Variants in NAALADL2 observed in about 807,000 individuals in gnomAD.
NAALADL2 encodes the protein inactive N-acetylated-alpha-linked acidic dipeptidase-like protein 2.
NAALADL2 carries 76 observed loss-of-function variants against 87.2 expected under a neutral mutation model. That is an observed-to-expected ratio of 0.87 (90% CI 0.72 to 1.05). The LOEUF is 1.05. Ranked by LOEUF, NAALADL2 falls within the 50% of genes least tolerant of loss-of-function variation. The pLI is 0.00. For missense variants in NAALADL2, 1,089 were observed against 945.8 expected, an observed-to-expected ratio of 1.15 and a Z score of -1.99; for synonymous variants, 354 against 331.0, an observed-to-expected ratio of 1.07 and a Z score of -0.75.
At position 175,650,222 on chromosome 3, in the gene NAALADL2, G is replaced by GT. The variant is rs1439258672; in HGVS notation, c.1896+22837dup. On this transcript the variant is annotated intron_variant, in intron 11 of 13. Transcript: ENST00000454872. The stretch of plus-strand genomic sequence containing the variant: ...AAGTAAAAGAAACCAGATGCAAAAG[G>GT]TGACATATTGAATGATTGGATTTGT... Among the ~76,000 whole-genome samples the GT allele has an allele frequency of 3.3e-5, 5 of 152,254 alleles. No homozygotes were observed. The East Asian group carries it at 7.7e-4, about 23-fold the overall frequency.
chr3:175,322,521 C>G (rs1344189471), intron 4 of NAALADL2, among the ~76,000 whole-genome samples: 3 of 93,678 alleles, frequency 3.2e-5, no homozygotes, highest in African/African-American at 1.4e-4. Context: ...TTCTGCACAG[C>G]AAAAGAAACT....
At chr3:174,751,051 A>T (rs2096512631) in intron 3 of NAALADL2, among the ~76,000 whole-genome samples, 1 of 152,212 alleles carries the variant, frequency 6.6e-6, no homozygotes, top group South Asian at 2.1e-4. Flanking sequence ...TATAATTTTT[A>T]AATCTTATTT....
rs188938405 is a variant in NAALADL2 at position 175,525,889 on chromosome 3, G to A, written c.1654-50152G>A. On this transcript the variant is annotated intron_variant, in intron 9 of 13. Coordinates refer to ENST00000454872, the MANE Select transcript of NAALADL2 (RefSeq NM_207015.3). Reference sequence around the variant, plus strand: ...CATTATTAGTCATGATTATTTTTCCGAAAAGTAACACTTTAGCATTAGTCT... The same window carrying A: ...CATTATTAGTCATGATTATTTTTCCAAAAAGTAACACTTTAGCATTAGTCT... Among the ~76,000 whole-genome samples the A allele has an allele frequency of 6.6e-5, 10 of 152,002 alleles. No homozygotes were observed. The East Asian group carries it at 1.2e-3, about 18-fold the overall frequency.
At chr3:175,456,586 G>T (rs1722354722) in intron 6 of NAALADL2, among the ~76,000 whole-genome samples, 1 of 151,872 alleles carries the variant, frequency 6.6e-6, no homozygotes, top group Non-Finnish European at 1.5e-5. Context: ...TGTACAGAAA[G>T]TTGCAATAGT....
At chr3:174,446,059 A>C (rs1715027825) in intron 1 of NAALADL2, among the ~76,000 whole-genome samples, 1 of 152,208 alleles carries the variant, frequency 6.6e-6, no homozygotes, top group Non-Finnish European at 1.5e-5. Context: ...TGAGCAGTTC[A>C]GATAAGAAAG....
chr3:175,746,450 T>A (rs2150111451), intron 12 of NAALADL2, among the ~76,000 whole-genome samples: 1 of 152,196 alleles, frequency 6.6e-6, no homozygotes, highest in African/African-American at 2.4e-5. Context: ...AGTCTATTTC[T>A]CAGCCCATCT....
intron 11 of NAALADL2, among the ~76,000 whole-genome samples, chr3:175,693,739 G>A (rs759997024): frequency 1.3e-5 from 2 of 151,994 alleles, no homozygotes; most frequent in Admixed American, 1.3e-4. Context: ...TTGCTCTTTC[G>A]CCAGGCTGGG....
intron 1 of NAALADL2, among the ~76,000 whole-genome samples, chr3:175,083,400 A>C (rs1219718779): frequency 6.6e-6 from 1 of 152,230 alleles, no homozygotes; most frequent in Non-Finnish European, 1.5e-5. Context: ...TCATTTAATT[A>C]ACGTTAACCA....
chr3:174,661,442 A>G (rs1050312203), intron 2 of NAALADL2, among the ~76,000 whole-genome samples: 6 of 152,142 alleles, frequency 3.9e-5, no homozygotes, highest in African/African-American at 9.7e-5. Flanking sequence ...ACATTCTTTA[A>G]TAACTTTTTA....
chr3:174,691,869 C>T (rs1015416761), intron 2 of NAALADL2: 1 of 152,158 alleles, frequency 6.6e-6, no homozygotes, highest in African/African-American at 2.4e-5. Flanking sequence ...TAAGATGCAG[C>T]TCCTCATCAG....
intron 1 of NAALADL2, among the ~76,000 whole-genome samples, chr3:174,879,815 A>G (rs191506047): frequency 8.3e-4 from 127 of 152,148 alleles, no homozygotes; most frequent in African/African-American, 2.9e-3. Context: ...ATTTGCTCCA[A>G]CTATACCCAA....
chr3:174,484,885 TTA>T (rs1717756201), intron 1 of NAALADL2, among the ~76,000 whole-genome samples: 1 of 151,452 alleles, frequency 6.6e-6, no homozygotes, highest in Non-Finnish European at 1.5e-5. Context: ...GTGATTTACA[TTA>T]TGGTATAGCT....
chr3:174,506,147 G>C (rs1006786693), intron 1 of NAALADL2, among the ~76,000 whole-genome samples: 1 of 150,988 alleles, frequency 6.6e-6, no homozygotes, highest in Non-Finnish European at 1.5e-5. Flanking sequence ...AACTTGCTTC[G>C]TACATCTTTC....
intron 2 of NAALADL2, among the ~76,000 whole-genome samples, chr3:174,697,754 T>A (rs967837184): frequency 6.6e-6 from 1 of 152,134 alleles, no homozygotes; most frequent in Non-Finnish European, 1.5e-5. Flanking sequence ...TGAAACTAAA[T>A]ATACATTTCA....
chr3:174,533,203 G>A (rs546890043), intron 1 of NAALADL2, among the ~76,000 whole-genome samples: 91 of 151,474 alleles, frequency 6.0e-4, no homozygotes, highest in African/African-American at 2.1e-3. Context: ...CTTGCGTCAG[G>A]AATAAAGGCT....
At chr3:175,387,542 A>G (rs1395784500) in intron 5 of NAALADL2, among the ~76,000 whole-genome samples, 3 of 152,072 alleles carry the variant, frequency 2.0e-5, no homozygotes, top group African/African-American at 4.8e-5. Flanking sequence ...TTACTTTTGA[A>G]TATGTAAGAA....
rs184912190 is a variant in NAALADL2 at position 175,374,489 on chromosome 3, G to A, written c.1090+50164G>A. On this transcript the variant is annotated intron_variant, in intron 5 of 13. Coordinates refer to ENST00000454872, the MANE Select transcript of NAALADL2 (RefSeq NM_207015.3). ...GAATTGCTTGAACCTAGGAGGCAGA[G>A]GTTGCAGTGAACTGAGATCATTCCA... Among the ~76,000 whole-genome samples the A allele has an allele frequency of 9.8e-4, 132 of 134,632 alleles. 1 individual carries two copies. The highest frequency in any genetic ancestry group is 1.5e-3 in the Non-Finnish European group (96 of 65,040). 88.3% of individuals were successfully genotyped at this position (134,632 alleles called of 152,430 possible).
chr3:175,140,055 A>G (rs887100740), intron 2 of NAALADL2, among the ~76,000 whole-genome samples: 1 of 152,116 alleles, frequency 6.6e-6, no homozygotes, highest in Non-Finnish European at 1.5e-5. Context: ...AAACAAAGGG[A>G]TTTAAATTCA....
intron 4 of NAALADL2, among the ~76,000 whole-genome samples, chr3:175,309,819 T>C (rs1468246001): frequency 6.6e-6 from 1 of 152,202 alleles, no homozygotes; most frequent in Non-Finnish European, 1.5e-5. Flanking sequence ...ATATATTACC[T>C]CCTTTGAATC....
Sources: allele counts gnomAD v4.1 joint callset (sites outside exome capture counted in the v4.1 genomes callset), GRCh38; gene constraint gnomAD v4.1.1; transcripts MANE v1.5; gene names NCBI Gene and HGNC (gene_info 2026-07-23, HGNC 2026-07-21).